The following OLFM3 variants were observed in gnomAD, a reference collection of about 807,000 sequenced individuals.
OLFM3 encodes olfactomedin 3.
In OLFM3, 20 loss-of-function variants were observed where a neutral mutation model predicts 48.6. The ratio of observed to expected loss-of-function variants is 0.41; its 90% confidence interval spans 0.29 to 0.60. The LOEUF is 0.60. Among genes scored for constraint, OLFM3 ranks in the 20% least tolerant of loss-of-function variants. The pLI, the probability that OLFM3 is intolerant of heterozygous loss-of-function variation, is 0.28. For missense variants in OLFM3, 437 were observed against 544.3 expected (o/e 0.80, Z 1.96); for synonymous variants, 222 against 198.1 (o/e 1.12, Z -1.01).
At chr1:101,966,359 G>T (rs1245565165) in intron 1 of OLFM3, among the ~76,000 whole-genome samples, 3 of 150,024 alleles carry the variant, frequency 2.0e-5, no homozygotes, top group Non-Finnish European at 4.5e-5. Context: ...GTGCGCTACA[G>T]ATAAGGTCTT....
At chr1:101,829,062 A>G (rs1042921571) in intron 3 of OLFM3, among the ~76,000 whole-genome samples, 1 of 152,126 alleles carries the variant, frequency 6.6e-6, no homozygotes, top group Non-Finnish European at 1.5e-5. Context: ...TCTATTCACC[A>G]TCAATTCACC....
chr1:101,848,995 T>C (rs1656121413), intron 1 of OLFM3, among the ~76,000 whole-genome samples: 1 of 151,966 alleles, frequency 6.6e-6, no homozygotes, highest in Non-Finnish European at 1.5e-5. Flanking sequence ...AAGGAAGAAA[T>C]AGAGAAAAAC....
chr1:101,871,388 CT>C (rs1657078891), intron 1 of OLFM3, among the ~76,000 whole-genome samples: 1 of 152,128 alleles, frequency 6.6e-6, no homozygotes, highest in Admixed American at 6.6e-5. Context: ...TCATCATTCA[CT>C]TTTACTGTAA....
intron 1 of OLFM3, among the ~76,000 whole-genome samples, chr1:101,914,590 C>A (rs1438528717): frequency 6.6e-6 from 1 of 152,088 alleles, no homozygotes; most frequent in Non-Finnish European, 1.5e-5. Flanking sequence ...ATTGCTGTGA[C>A]CTGTGCCAAC....
chr1:101,899,547 G>A (rs924837625), intron 1 of OLFM3, among the ~76,000 whole-genome samples: 2 of 152,164 alleles, frequency 1.3e-5, no homozygotes, highest in African/African-American at 4.8e-5. Context: ...CAAGGAATTT[G>A]GGAGATAGTG....
chr1:101,853,223 C>T (rs1256315410), intron 1 of OLFM3, among the ~76,000 whole-genome samples: 2 of 151,978 alleles, frequency 1.3e-5, no homozygotes, highest in African/African-American at 4.8e-5. Flanking sequence ...GCACTCTGGC[C>T]CCCTGGCTGT....
chr1:101,843,066 AG>A (rs1220596788), intron 1 of OLFM3, among the ~76,000 whole-genome samples: 2 of 152,224 alleles, frequency 1.3e-5, no homozygotes, highest in Non-Finnish European at 2.9e-5. Flanking sequence ...ATCTTCATCC[AG>A]GACTAAAACA....
At chr1:101,930,610 T>C (rs1659416768) in intron 1 of OLFM3, among the ~76,000 whole-genome samples, 1 of 152,178 alleles carries the variant, frequency 6.6e-6, no homozygotes, top group African/African-American at 2.4e-5. Flanking sequence ...GTACAGTGTA[T>C]AGTATAGTTG....
chr1:101,959,075 G>T (rs1660388654), intron 1 of OLFM3, among the ~76,000 whole-genome samples: 1 of 145,752 alleles, frequency 6.9e-6, no homozygotes, highest in African/African-American at 2.5e-5. Flanking sequence ...CTTAGCCCCT[G>T]GTGTTAGAAA....
At chr1:101,893,451 C>A in intron 1 of OLFM3, 1 of 273,072 alleles carries the variant, frequency 3.7e-6, no homozygotes, top group Non-Finnish European at 7.7e-6. Flanking sequence ...GAAGACGATT[C>A]TAGAAATTCA....
At chr1:101,923,563 A>G (rs1659165570) in intron 1 of OLFM3, among the ~76,000 whole-genome samples, 1 of 152,140 alleles carries the variant, frequency 6.6e-6, no homozygotes, top group South Asian at 2.1e-4. Context: ...TAATTAGCAA[A>G]GCTTTGGGGT....
Position 101,804,079 on chromosome 1 carries a change from G to T in OLFM3, c.*159C>A. The stretch of plus-strand genomic sequence containing the variant: ...GATGTGTTTCCAACATGGTAAGTTA[G>T]ACAAGCTCAGCTATGTTTTTGAAAC... On this transcript the variant is annotated 3_prime_UTR_variant, in exon 6 of 6. Coordinates refer to ENST00000370103, the MANE Select transcript of OLFM3 (RefSeq NM_058170.4). The surrounding 1 kb of genome is among the most constrained non-coding windows in gnomAD (Gnocchi z 4.5). 1.8e-6 allele frequency: 1 copy of T among 550,878 alleles called. No individual in the cohort carries two copies. The highest frequency in any genetic ancestry group is 3.1e-6 in the Non-Finnish European group (1 of 325,334). 34.1% of individuals were successfully genotyped at this position (550,878 alleles called of 1,614,324 possible).
intron 1 of OLFM3, among the ~76,000 whole-genome samples, chr1:101,994,128 TA>T (rs541082397): frequency 2.0e-5 from 3 of 151,330 alleles, no homozygotes; most frequent in Non-Finnish European, 3.0e-5. Flanking sequence ...ATCCTATACC[TA>T]AAAAAAATCT....
chr1:101,813,224 A>G (rs775500973), intron 4 of OLFM3: 92 of 478,620 alleles, frequency 1.9e-4, no homozygotes, highest in Non-Finnish European at 2.9e-4. Flanking sequence ...CAATGAGTGC[A>G]CTAAATATTT....
chr1:101,920,086 C>T (rs185672177), intron 1 of OLFM3, among the ~76,000 whole-genome samples: 408 of 152,326 alleles, frequency 2.7e-3, no homozygotes, highest in Non-Finnish European at 5.3e-3. Context: ...TCACCACATT[C>T]ATTACCACCA....
intron 1 of OLFM3, among the ~76,000 whole-genome samples, chr1:101,944,371 G>A (rs1659891153): frequency 6.6e-6 from 1 of 152,086 alleles, no homozygotes; most frequent in African/African-American, 2.4e-5. Context: ...TGCAGAAAAT[G>A]AAAAGTGGTA....
chr1:101,810,745 T>G (rs1430594517), intron 4 of OLFM3, among the ~76,000 whole-genome samples: 1 of 151,948 alleles, frequency 6.6e-6, no homozygotes, highest in African/African-American at 2.4e-5. Flanking sequence ...TCTTTAAACT[T>G]TTAACTCTTA....
intron 1 of OLFM3, among the ~76,000 whole-genome samples, chr1:101,972,719 T>A (rs1323699798): frequency 6.6e-6 from 1 of 152,236 alleles, no homozygotes; most frequent in Admixed American, 6.5e-5. Context: ...CAAGACTTTA[T>A]TTATTCTCAA....
At chr1:101,809,555 C>T (rs1013848767) in intron 4 of OLFM3, among the ~76,000 whole-genome samples, 4 of 151,840 alleles carry the variant, frequency 2.6e-5, no homozygotes, top group African/African-American at 9.7e-5. Context: ...AGTGAGTACA[C>T]CAAGACAGGG....
Sources: gnomAD v4.1 joint callset for allele counts (sites outside exome capture counted in the v4.1 genomes callset) on GRCh38, gnomAD v4.1.1 for gene constraint, Gnocchi (gnomAD v3.1) non-coding constraint, MANE v1.5 for transcripts, NCBI Gene and HGNC (gene_info 2026-07-23, HGNC 2026-07-21) for gene names.